Variants in DPP10 observed in about 807,000 individuals in gnomAD.
The protein encoded by DPP10 is dipeptidyl peptidase like 10, also known as inactive dipeptidyl peptidase 10.
A neutral mutation model predicts 120.9 loss-of-function variants in DPP10; 33 were observed. The ratio of observed to expected loss-of-function variants is 0.27; its 90% CI spans 0.21 to 0.37. The LOEUF (loss-of-function observed/expected upper bound fraction) is 0.37. Among genes scored for constraint, DPP10 ranks in the 10% least tolerant of loss-of-function variants. The pLI is 1.00. For missense variants in DPP10, 816 were observed against 942.8 expected (o/e 0.87, Z 1.76); for synonymous variants, 337 against 326.1 (o/e 1.03, Z -0.36).
intron 1 of DPP10, among the ~76,000 whole-genome samples, chr2:115,038,331 C>T (rs569073159): frequency 3.3e-5 from 5 of 151,966 alleles, no homozygotes; most frequent in East Asian, 1.9e-4. Flanking sequence ...AGTGCAGTGG[C>T]GCCATCTTGG....
At chr2:114,983,526 T>C (rs770958499) in intron 1 of DPP10, among the ~76,000 whole-genome samples, 7 of 152,190 alleles carry the variant, frequency 4.6e-5, no homozygotes, top group Non-Finnish European at 1.0e-4. Context: ...TGATATAATA[T>C]AATTGGTTCC....
At chr2:115,688,439 A>G (rs1359229012) in intron 5 of DPP10, among the ~76,000 whole-genome samples, 1 of 152,154 alleles carries the variant, frequency 6.6e-6, no homozygotes, top group Admixed American at 6.6e-5. Flanking sequence ...TGACAGTATT[A>G]TAATATTTGT....
intron 3 of DPP10, among the ~76,000 whole-genome samples, chr2:115,443,921 A>G (rs2072318529): frequency 6.6e-6 from 1 of 152,168 alleles, no homozygotes; most frequent in South Asian, 2.1e-4. Flanking sequence ...GCCTCTAACC[A>G]TTAGATGCCA....
At chr2:115,599,031 G>A (rs2083161225) in intron 5 of DPP10, among the ~76,000 whole-genome samples, 2 of 151,714 alleles carry the variant, frequency 1.3e-5, no homozygotes, top group African/African-American at 4.8e-5. Flanking sequence ...ATGGGTTTCT[G>A]ATGGGAAGTC....
intron 11 of DPP10, 45 bp from the exon 12 acceptor site, chr2:115,762,527 A>G: frequency 6.2e-7 from 1 of 1,610,072 alleles, no homozygotes; most frequent in African/African-American, 1.3e-5. Flanking sequence ...ATATATGCTC[A>G]TTTTGGTCTT....
At chr2:114,997,749 A>G (rs976264476) in intron 1 of DPP10, among the ~76,000 whole-genome samples, 3 of 152,134 alleles carry the variant, frequency 2.0e-5, no homozygotes, top group African/African-American at 7.2e-5. Flanking sequence ...GGAAGTCTGA[A>G]GAGATAAGGG....
chr2:115,424,584 T>C (rs1251652219), intron 3 of DPP10, among the ~76,000 whole-genome samples: 1 of 152,090 alleles, frequency 6.6e-6, no homozygotes, highest in Admixed American at 6.6e-5. Context: ...AGTCACTTTG[T>C]TACTTCTTGT....
intron 19 of DPP10, among the ~76,000 whole-genome samples, chr2:115,797,922 A>AATAT (rs929827805): frequency 2.7e-5 from 4 of 148,240 alleles, no homozygotes; most frequent in Non-Finnish European, 6.0e-5. Flanking sequence ...TTTTAACTGG[A>AATAT]ATATATATAT....
intron 1 of DPP10, among the ~76,000 whole-genome samples, chr2:115,044,132 C>T (rs1704879192): frequency 2.0e-5 from 3 of 152,092 alleles, no homozygotes. Context: ...CGTCCTCACA[C>T]TGCTATAAAC....
At chr2:115,564,517 C>G (rs2080883725) in intron 5 of DPP10, among the ~76,000 whole-genome samples, 1 of 152,130 alleles carries the variant, frequency 6.6e-6, no homozygotes, top group Non-Finnish European at 1.5e-5. Flanking sequence ...ATATATCTAA[C>G]TACATCATTC....
intron 1 of DPP10, among the ~76,000 whole-genome samples, chr2:115,142,394 C>CT (rs1339355551): frequency 2.0e-5 from 3 of 152,070 alleles, no homozygotes; most frequent in African/African-American, 7.2e-5. Context: ...AAGTCAAAGG[C>CT]TGGGAAGAAA....
intron 5 of DPP10, among the ~76,000 whole-genome samples, chr2:115,556,524 G>T (rs528997762): frequency 2.4e-4 from 36 of 152,078 alleles, no homozygotes; most frequent in Non-Finnish European, 4.4e-4. Flanking sequence ...TTATGAATGG[G>T]CTGTGCTGAA....
At chr2:115,205,129 C>A (rs568975874) in intron 1 of DPP10, among the ~76,000 whole-genome samples, 1 of 152,174 alleles carries the variant, frequency 6.6e-6, no homozygotes, top group East Asian at 1.9e-4. Flanking sequence ...ATTTTTGTTG[C>A]AGTTGAATTT....
chr2:114,877,379 C>T (rs7577302), intron 1 of DPP10, among the ~76,000 whole-genome samples: 145,174 of 152,042 alleles, frequency 0.95, 69,665 homozygotes, highest in East Asian at 1. Context: ...GGTTCCTAAG[C>T]ATGTGTGTTT....
rs577839156 is a variant in DPP10, at chr2:115,792,876, C to T, written c.1700+1520C>T. 1.5e-3 allele frequency among the ~76,000 whole-genome samples: 222 copies of T among 152,248 alleles called. 1 individual carries two copies. The highest frequency in any genetic ancestry group is 3.4e-3 in the Middle Eastern group (1 of 294). Reference sequence around the variant, plus strand: ...GCATCCCTCAGTATGTGATGACCTTCAAAATGGAAGATAAAAGAACTGACT... The same window carrying T: ...GCATCCCTCAGTATGTGATGACCTTTAAAATGGAAGATAAAAGAACTGACT... On this transcript the variant is annotated intron_variant, in intron 19 of 25. Coordinates refer to ENST00000410059, the MANE Select transcript of DPP10 (RefSeq NM_020868.6).
intron 1 of DPP10, among the ~76,000 whole-genome samples, chr2:115,244,011 T>G (rs2058406831): frequency 6.6e-6 from 1 of 151,542 alleles, no homozygotes. Context: ...ACTTTTTAGA[T>G]TTAAGCCTTT....
At chr2:115,623,986 G>A (rs116741558) in intron 5 of DPP10, among the ~76,000 whole-genome samples, 138 of 152,016 alleles carry the variant, frequency 9.1e-4, no homozygotes, top group Admixed American at 2.2e-3. Flanking sequence ...CTAGTGCTAC[G>A]TGACCTTTTA....
chr2:115,294,256 G>C (rs964432868), intron 1 of DPP10, among the ~76,000 whole-genome samples: 2 of 152,034 alleles, frequency 1.3e-5, no homozygotes, highest in Non-Finnish European at 1.5e-5. Flanking sequence ...CATTTAACTA[G>C]TAGGTTGACC....
chr2:115,178,224 T>C (rs527279064), intron 1 of DPP10, among the ~76,000 whole-genome samples: 1 of 152,160 alleles, frequency 6.6e-6, no homozygotes, highest in South Asian at 2.1e-4. Context: ...AGAGCCATGC[T>C]CTCCACACAT....
Sources: allele counts gnomAD v4.1 joint callset (sites outside exome capture counted in the v4.1 genomes callset), GRCh38; gene constraint gnomAD v4.1.1; transcripts MANE v1.5; gene names NCBI Gene and HGNC (gene_info 2026-07-23, HGNC 2026-07-21).